Variants in IL1RAPL1 observed in about 807,000 individuals in gnomAD.
The protein encoded by IL1RAPL1 is interleukin-1 receptor accessory protein-like 1.
Under a neutral mutation model 48.4 loss-of-function variants are expected in IL1RAPL1, and 3 were observed. That is an observed-to-expected ratio of 0.06 (90% CI 0.03 to 0.16). The LOEUF is 0.16. IL1RAPL1 is among the 10% of genes least tolerant of loss of function. The probability of loss-of-function intolerance (pLI) is 1.00; values close to 1 mark genes in which losing one functional copy is unlikely to be tolerated. For synonymous variants in IL1RAPL1, 185 were observed against 187.7 expected (o/e 0.99, Z 0.12); for missense variants, 349 against 530.6 (o/e 0.66, Z 3.36).
At chrX:29,099,520 A>G (rs1241380967) in intron 2 of IL1RAPL1, among the ~76,000 whole-genome samples, 2 of 112,163 alleles carry the variant, frequency 1.8e-5, no homozygotes, top group African/African-American at 6.5e-5. Context: ...CAGAATAGGA[A>G]TCTGAAGGCA....
intron 1 of IL1RAPL1, among the ~76,000 whole-genome samples, chrX:28,593,230 C>T (rs1933922469): frequency 9.0e-6 from 1 of 110,881 alleles, no homozygotes. Context: ...ATTCAGGTGC[C>T]CAAACTCTAA....
intron 5 of IL1RAPL1, among the ~76,000 whole-genome samples, chrX:29,665,273 G>T (rs1925968366): frequency 8.9e-6 from 1 of 112,446 alleles, no homozygotes; most frequent in Non-Finnish European, 1.9e-5. Context: ...AAATGTCTTC[G>T]TAACACAAGT....
intron 6 of IL1RAPL1, among the ~76,000 whole-genome samples, chrX:29,792,210 C>T (rs1196326443): frequency 1.8e-5 from 2 of 111,853 alleles, no homozygotes; most frequent in African/African-American, 3.3e-5. Flanking sequence ...AGGAGAGATA[C>T]ATAAATCATG....
chrX:29,190,263 C>T (rs981905135), intron 2 of IL1RAPL1, among the ~76,000 whole-genome samples: 6 of 111,917 alleles, frequency 5.4e-5, no homozygotes, highest in East Asian at 5.6e-4. Context: ...GAGGATCATA[C>T]GCTATTTGGT....
At chrX:29,029,835 T>G (rs1485922768) in intron 2 of IL1RAPL1, among the ~76,000 whole-genome samples, 1 of 111,596 alleles carries the variant, frequency 9.0e-6, no homozygotes, top group Non-Finnish European at 1.9e-5. Flanking sequence ...CACCTAGATT[T>G]TATCTTGTTA....
intron 6 of IL1RAPL1, among the ~76,000 whole-genome samples, chrX:29,884,002 T>C (rs1184034091): frequency 1.8e-5 from 2 of 111,932 alleles, no homozygotes; most frequent in Non-Finnish European, 3.8e-5. Context: ...ACCATCCCTT[T>C]CTTTCCTCAG....
chrX:29,741,750 G>T (rs113661365), intron 6 of IL1RAPL1, among the ~76,000 whole-genome samples: 1 of 107,354 alleles, frequency 9.3e-6, no homozygotes, highest in African/African-American at 3.4e-5. Context: ...GCGAAATCTC[G>T]TCTCTACTAA....
chrX:29,393,735 T>A (rs376727385), intron 3 of IL1RAPL1, among the ~76,000 whole-genome samples: 16 of 110,222 alleles, frequency 1.5e-4, no homozygotes, highest in African/African-American at 4.9e-4. Context: ...TTTTTTTTTT[T>A]AATTCTGTGT....
At chrX:29,054,626 T>C (rs1412510456) in intron 2 of IL1RAPL1, among the ~76,000 whole-genome samples, 2 of 111,294 alleles carry the variant, frequency 1.8e-5, no homozygotes, top group Non-Finnish European at 3.8e-5. Context: ...ATTTGATTTA[T>C]TGAAGTGGAA....
At chrX:29,003,399 G>A (rs980453687) in intron 2 of IL1RAPL1, among the ~76,000 whole-genome samples, 1 of 112,080 alleles carries the variant, frequency 8.9e-6, no homozygotes, top group Non-Finnish European at 1.9e-5. Context: ...TTTTATGGTT[G>A]CAGTGATTAG....
At chrX:28,765,784 T>G (rs937827023) in intron 1 of IL1RAPL1, among the ~76,000 whole-genome samples, 1 of 112,378 alleles carries the variant, frequency 8.9e-6, no homozygotes, top group Non-Finnish European at 1.9e-5. Context: ...CCACACTTTT[T>G]GGAAATTCAA....
intron 6 of IL1RAPL1, among the ~76,000 whole-genome samples, chrX:29,816,856 T>A (rs1311454620): frequency 1.8e-5 from 2 of 110,642 alleles, no homozygotes; most frequent in Non-Finnish European, 1.9e-5. Flanking sequence ...CAATACAATT[T>A]TGTAAAAGAT....
chrX:29,896,506 C>T (rs1031352827), intron 6 of IL1RAPL1, among the ~76,000 whole-genome samples: 10 of 112,198 alleles, frequency 8.9e-5, no homozygotes, highest in African/African-American at 3.2e-4. Context: ...GATAGATACA[C>T]ATATATTTTA....
At chrX:29,516,082 T>A (rs761585652) in intron 5 of IL1RAPL1, among the ~76,000 whole-genome samples, 1 of 112,096 alleles carries the variant, frequency 8.9e-6, no homozygotes, top group Non-Finnish European at 1.9e-5. Flanking sequence ...TTCAGTGGAT[T>A]AATTCTACAG....
At chrX:29,309,323 A>G (rs889767732) in intron 3 of IL1RAPL1, among the ~76,000 whole-genome samples, 92 of 111,007 alleles carry the variant, frequency 8.3e-4, no homozygotes, top group African/African-American at 3.0e-3. Context: ...GGTCAGGGTG[A>G]TTGGGCTTAT....
chrX:29,272,765 G>A (rs1440332275), intron 2 of IL1RAPL1, among the ~76,000 whole-genome samples: 1 of 111,529 alleles, frequency 9.0e-6, no homozygotes, highest in Non-Finnish European at 1.9e-5. Context: ...TCTGTCTTTC[G>A]GGGATGCCAG....
At chrX:29,358,143 A>C (rs1466738212) in intron 3 of IL1RAPL1, among the ~76,000 whole-genome samples, 1 of 111,239 alleles carries the variant, frequency 9.0e-6, no homozygotes, top group African/African-American at 3.3e-5. Context: ...ACCTTGGAGA[A>C]GGATTCTGTT....
At chrX:29,296,558 A>G (rs1413308261) in intron 3 of IL1RAPL1, among the ~76,000 whole-genome samples, 1 of 106,173 alleles carries the variant, frequency 9.4e-6, no homozygotes, top group African/African-American at 3.5e-5. Context: ...ATCCTTTACC[A>G]TTTTTGAAAG....
chrX:28,711,681 A>G (rs1935442274), intron 1 of IL1RAPL1, among the ~76,000 whole-genome samples: 3 of 108,395 alleles, frequency 2.8e-5, no homozygotes, highest in South Asian at 8.0e-4. Context: ...GAGAATTTCA[A>G]GGGCCTGGCC....
Sources: gnomAD v4.1 joint callset for allele counts (sites outside exome capture counted in the v4.1 genomes callset) on GRCh38, gnomAD v4.1.1 for gene constraint, MANE v1.5 for transcripts, NCBI Gene and HGNC (gene_info 2026-07-23, HGNC 2026-07-21) for gene names.